DLG2: variants seen among roughly 807,000 people sequenced by gnomAD.
The protein encoded by DLG2 is disks large homolog 2.
DLG2 carries 45 observed loss-of-function variants against 132.5 expected under a neutral mutation model. The observed-to-expected ratio is 0.34, with a 90% CI of 0.27 to 0.44. The LOEUF (loss-of-function observed/expected upper bound fraction) is 0.44, where lower values mean the gene tolerates loss of function less well. Ranked by LOEUF, DLG2 falls within the 20% of genes least tolerant of loss-of-function variation. The pLI is 1.00. For missense variants in DLG2, 1,045 were observed against 1,196.9 expected, an observed-to-expected ratio of 0.87 and a Z score of 1.87; for synonymous variants, 424 against 419.6, an observed-to-expected ratio of 1.01 and a Z score of -0.13.
chr11:83,743,331 A>G (rs1308726936), intron 18 of DLG2, among the ~76,000 whole-genome samples: 2 of 151,336 alleles, frequency 1.3e-5, no homozygotes, highest in Non-Finnish European at 2.9e-5. Flanking sequence ...TATCTCTTCA[A>G]TCCATTGTCT....
chr11:84,739,481 T>A (rs2064301488), intron 6 of DLG2, among the ~76,000 whole-genome samples: 1 of 152,192 alleles, frequency 6.6e-6, no homozygotes, highest in South Asian at 2.1e-4. Context: ...AGACAACTAC[T>A]GTGTTCACTC....
At chr11:83,607,223 T>C (rs1016844706) in intron 19 of DLG2, among the ~76,000 whole-genome samples, 3 of 152,258 alleles carry the variant, frequency 2.0e-5, no homozygotes, top group African/African-American at 7.2e-5. Context: ...TTGGCACAAG[T>C]GTAGGCTATG....
chr11:84,922,243 G>A (rs1481325979), intron 6 of DLG2, among the ~76,000 whole-genome samples: 3 of 151,262 alleles, frequency 2.0e-5, no homozygotes, highest in Non-Finnish European at 4.4e-5. Context: ...TTTCTCAAAG[G>A]CAATCACTTT....
intron 6 of DLG2, among the ~76,000 whole-genome samples, chr11:84,739,730 A>G (rs573452952): frequency 3.6e-4 from 55 of 152,312 alleles, no homozygotes; most frequent in African/African-American, 9.6e-4. Context: ...CAGAAGATCA[A>G]GGGAAGACAA....
At chr11:85,500,509 T>C (rs1221568694) in intron 3 of DLG2, among the ~76,000 whole-genome samples, 4 of 146,474 alleles carry the variant, frequency 2.7e-5, no homozygotes, top group Non-Finnish European at 5.9e-5. Context: ...ACCTGCACAA[T>C]GTGCACATGT....
chr11:84,305,843 CAG>C (rs1330565990), intron 7 of DLG2, among the ~76,000 whole-genome samples: 1 of 152,040 alleles, frequency 6.6e-6, no homozygotes, highest in Non-Finnish European at 1.5e-5. Flanking sequence ...AACTCTAAAA[CAG>C]AGTTTTATTA....
At chr11:84,407,063 T>G (rs184157855) in intron 7 of DLG2, among the ~76,000 whole-genome samples, 1 of 152,246 alleles carries the variant, frequency 6.6e-6, no homozygotes, top group African/African-American at 2.4e-5. Flanking sequence ...GCCCTGACCT[T>G]TTGTCCCAGT....
intron 4 of DLG2, among the ~76,000 whole-genome samples, chr11:85,183,217 CTT>C (rs1566977416): frequency 6.6e-6 from 1 of 151,856 alleles, no homozygotes; most frequent in Admixed American, 6.6e-5. Context: ...CTAAATCCCT[CTT>C]TGTTTTTCTG....
intron 9 of DLG2, among the ~76,000 whole-genome samples, chr11:84,162,106 T>C (rs1181484883): frequency 6.6e-6 from 1 of 152,190 alleles, no homozygotes; most frequent in Non-Finnish European, 1.5e-5. Flanking sequence ...GTCTACAATC[T>C]TCATTTATAC....
chr11:85,477,410 A>G (rs75283762), intron 3 of DLG2, among the ~76,000 whole-genome samples: 3,501 of 152,322 alleles, frequency 0.023, 130 homozygotes, highest in African/African-American at 0.079. Context: ...TGAGACACAA[A>G]AAACAAAAAC....
At chr11:84,993,588 TACTGCCTCGCC>T (rs2057350400) in intron 6 of DLG2, among the ~76,000 whole-genome samples, 2 of 152,334 alleles carry the variant, frequency 1.3e-5, no homozygotes, top group East Asian at 3.9e-4. Context: ...GTGGGTACTT[TACTGCCTCGCC>T]ACTGCCTCCT....
intron 6 of DLG2, among the ~76,000 whole-genome samples, chr11:84,688,903 G>A (rs948489511): frequency 1.3e-5 from 2 of 152,078 alleles, no homozygotes; most frequent in African/African-American, 4.8e-5. Flanking sequence ...TATTTTCTCT[G>A]AACAACTTCT....
chr11:84,085,316 T>C (rs2096960776), intron 10 of DLG2, among the ~76,000 whole-genome samples: 1 of 152,224 alleles, frequency 6.6e-6, no homozygotes, highest in African/African-American at 2.4e-5. Flanking sequence ...CTAAAATCAA[T>C]ATAAAATTTG....
Position 83,508,457 on chromosome 11 carries a change from A to G in DLG2, c.2194-24229T>C, listed in dbSNP as rs529275396. Among the ~76,000 whole-genome samples the G allele has an allele frequency of 1.3e-4, 17 of 131,164 alleles. No homozygotes were observed. In the East Asian group the frequency reaches 3.8e-3, roughly 29 times the overall value. The allele number at this position is 131,164 out of a possible 152,430, so 86.0% of individuals were successfully genotyped here. The stretch of plus-strand genomic sequence containing the variant: ...GATGGGGTTTCACCAGTTAGCCAGG[A>G]TGGTCTCGATCTCCTGACCTCATGA... On this transcript the variant is annotated intron_variant, in intron 21 of 27. Transcript: ENST00000376104.
chr11:84,322,480 G>C (rs2098410083), intron 7 of DLG2, among the ~76,000 whole-genome samples: 1 of 152,116 alleles, frequency 6.6e-6, no homozygotes. Context: ...ACAAAAGAGG[G>C]AGCAGTTCCC....
intron 7 of DLG2, among the ~76,000 whole-genome samples, chr11:84,302,379 C>A (rs2098165690): frequency 1.3e-5 from 2 of 152,008 alleles, no homozygotes; most frequent in African/African-American, 4.8e-5. Context: ...ATTTTTCTAA[C>A]TTAGAAAAAT....
At chr11:84,933,982 C>T (rs997314433) in intron 6 of DLG2, among the ~76,000 whole-genome samples, 6 of 152,092 alleles carry the variant, frequency 3.9e-5, no homozygotes, top group East Asian at 3.9e-4. Flanking sequence ...CCATTCAGTA[C>T]GATGTTGGTT....
At chr11:83,897,971 T>C (rs2072265513) in intron 15 of DLG2, among the ~76,000 whole-genome samples, 1 of 152,184 alleles carries the variant, frequency 6.6e-6, no homozygotes, top group Non-Finnish European at 1.5e-5. Flanking sequence ...TTGTCTCCTC[T>C]AGTCACAAAA....
intron 15 of DLG2, among the ~76,000 whole-genome samples, chr11:83,900,692 C>A (rs1179859574): frequency 6.6e-6 from 1 of 152,198 alleles, no homozygotes; most frequent in Non-Finnish European, 1.5e-5. Context: ...GATGCCCAGG[C>A]AGAAGTTTGC....
Sources: gnomAD v4.1 joint callset for allele counts (sites outside exome capture counted in the v4.1 genomes callset) on GRCh38, gnomAD v4.1.1 for gene constraint, MANE v1.5 for transcripts, NCBI Gene and HGNC (gene_info 2026-07-23, HGNC 2026-07-21) for gene names.